SEPTIN14: variants seen among roughly 807,000 people sequenced by gnomAD.
SEPTIN14 encodes septin 14, also known as septin-14.
In SEPTIN14, 40 loss-of-function variants were observed where a neutral mutation model predicts 53.6. That is an observed-to-expected ratio of 0.75 (90% confidence interval 0.58 to 0.97). SEPTIN14 has a LOEUF of 0.97. SEPTIN14 is among the 50% of genes least tolerant of loss of function. The pLI, the probability that SEPTIN14 is intolerant of heterozygous loss-of-function variation, is 0.00. For synonymous variants in SEPTIN14, 138 were observed against 166.8 expected, an observed-to-expected ratio of 0.83 and a Z score of 1.33; for missense variants, 471 against 508.2, an observed-to-expected ratio of 0.93 and a Z score of 0.70.
intron 6 of SEPTIN14, among the ~76,000 whole-genome samples, chr7:55,830,172 T>C (rs1258207250): frequency 7.1e-6 from 1 of 140,376 alleles, no homozygotes; most frequent in African/African-American, 2.8e-5. Flanking sequence ...AGCGAGACTC[T>C]GTCTCAAAAA....
chr7:55,858,018 A>G (rs1789675485), intron 2 of SEPTIN14, among the ~76,000 whole-genome samples: 1 of 152,240 alleles, frequency 6.6e-6, no homozygotes, highest in African/African-American at 2.4e-5. Context: ...AAGTTACAGA[A>G]CTGGGACATG....
chr7:55,814,861 CTG>C (rs1192766322), intron 7 of SEPTIN14, among the ~76,000 whole-genome samples: 1 of 152,114 alleles, frequency 6.6e-6, no homozygotes, highest in Non-Finnish European at 1.5e-5. Context: ...AAAAATAACA[CTG>C]GAGGAATCGC....
intron 9 of SEPTIN14, among the ~76,000 whole-genome samples, chr7:55,803,890 C>T (rs984504960): frequency 1.9e-4 from 29 of 150,328 alleles, no homozygotes; most frequent in Admixed American, 6.0e-4. Context: ...TTTGGGAGGC[C>T]GAGGCAGGCG....
intron 5 of SEPTIN14, among the ~76,000 whole-genome samples, chr7:55,840,724 A>G (rs940346926): frequency 6.6e-6 from 1 of 152,126 alleles, no homozygotes; most frequent in Admixed American, 6.6e-5. Flanking sequence ...CACTGATGCA[A>G]ATGCCTCAAA....
At chr7:55,830,349 A>ATATATTTTTTTTT (rs71015108) in intron 6 of SEPTIN14, among the ~76,000 whole-genome samples, 15 of 56,844 alleles carry the variant, frequency 2.6e-4, no homozygotes, top group African/African-American at 9.1e-4. Context: ...ATATATATAT[A>ATATATTTTTTTTT]TTTTTTTTTT....
intron 7 of SEPTIN14, among the ~76,000 whole-genome samples, chr7:55,808,958 G>A (rs764415010): frequency 2.0e-5 from 3 of 152,120 alleles, no homozygotes; most frequent in African/African-American, 4.8e-5. Context: ...AAAGACACAG[G>A]CACGTGTATG....
At position 55,807,236 on chromosome 7, in the gene SEPTIN14, G is replaced by A. The variant is rs776516594; in HGVS notation, c.840C>T (p.Asp280=). The part of the protein sequence containing the change: ...VLQVENENHC[D]FVKLRDMLLC... The stretch of plus-strand genomic sequence containing the variant: ...GAAGCATATCTCGGAGCTTAACGAA[G>A]TCACAGTGATTTTCATTTTCCACTA... The change falls in exon 8 of 10, where the codon GAC becomes GAT. Residue 280 remains aspartate, a synonymous_variant. Coordinates refer to ENST00000388975, the MANE Select transcript of SEPTIN14 (RefSeq NM_207366.3). 5.7e-6 allele frequency: 9 copies of A among 1,581,014 alleles called. No individual in the cohort carries two copies. The South Asian group carries it at 8.3e-5, about 15-fold the overall frequency.
At chr7:55,820,131 C>T (rs141436364) in intron 6 of SEPTIN14, among the ~76,000 whole-genome samples, 153 of 152,212 alleles carry the variant, frequency 1.0e-3, no homozygotes, top group Middle Eastern at 6.8e-3. Flanking sequence ...TCCCGAGTAG[C>T]TGGGATTACA....
Position 55,811,261 on chromosome 7 carries a change from C to T in SEPTIN14, c.818-4003G>A, listed in dbSNP as rs573468747. 7.8e-5 allele frequency: 41 copies of T among 522,540 alleles called. 2 individuals carry two copies. The highest frequency in any genetic ancestry group is 6.2e-4 in the South Asian group (41 of 66,474). The allele number at this position is 522,540 out of a possible 1,614,324, so 32.4% of individuals were successfully genotyped here. On this transcript the variant is annotated intron_variant, in intron 7 of 9. Coordinates refer to ENST00000388975, the MANE Select transcript of SEPTIN14 (RefSeq NM_207366.3). Reference sequence around the variant, plus strand: ...AGGATCTGGATGTTGTAGAGTTTATCCACCTCCTTGAAGAGGTTCTGCCTG... The same window carrying T: ...AGGATCTGGATGTTGTAGAGTTTATTCACCTCCTTGAAGAGGTTCTGCCTG...
intron 7 of SEPTIN14, chr7:55,811,496 CTTTTTTTTTT>C (rs1170803437): frequency 8.3e-5 from 15 of 181,114 alleles, no homozygotes; most frequent in South Asian, 1.6e-4. Context: ...TTTTACAGTT[CTTTTTTTTTT>C]TTTTTTTTTT....
intron 2 of SEPTIN14, among the ~76,000 whole-genome samples, chr7:55,852,746 G>A (rs908978586): frequency 3.5e-4 from 54 of 152,120 alleles, no homozygotes; most frequent in Non-Finnish European, 7.2e-4. Context: ...ACAAAGTGAG[G>A]AGACAACCCA....
intron 6 of SEPTIN14, among the ~76,000 whole-genome samples, chr7:55,820,802 T>C (rs545397476): frequency 3.0e-4 from 45 of 152,134 alleles, no homozygotes; most frequent in African/African-American, 1.1e-3. Context: ...TAGCGGGGCA[T>C]GGTGGCAGGC....
intron 5 of SEPTIN14, among the ~76,000 whole-genome samples, chr7:55,838,170 T>C (rs899786852): frequency 1.3e-5 from 2 of 152,206 alleles, no homozygotes; most frequent in East Asian, 1.9e-4. Flanking sequence ...GCTGAAGCCA[T>C]GGGGCTTAAG....
At chr7:55,802,337 G>A (rs2115954792) in intron 9 of SEPTIN14, among the ~76,000 whole-genome samples, 1 of 152,116 alleles carries the variant, frequency 6.6e-6, no homozygotes, top group African/African-American at 2.4e-5. Flanking sequence ...ATTCGAAGAA[G>A]ACATTATTAC....
intron 5 of SEPTIN14, among the ~76,000 whole-genome samples, chr7:55,837,246 G>C (rs1789227645): frequency 6.6e-6 from 1 of 151,798 alleles, no homozygotes; most frequent in Admixed American, 6.6e-5. Flanking sequence ...CTCCTGAGTA[G>C]CTGGAACTAC....
chr7:55,832,278 G>A (rs1449965933), intron 6 of SEPTIN14, among the ~76,000 whole-genome samples: 1 of 151,786 alleles, frequency 6.6e-6, no homozygotes, highest in Non-Finnish European at 1.5e-5. Flanking sequence ...ATGTTGGTGT[G>A]AATGCAGAGA....
At chr7:55,828,520 G>T (rs544084883) in intron 6 of SEPTIN14, among the ~76,000 whole-genome samples, 1 of 152,006 alleles carries the variant, frequency 6.6e-6, no homozygotes, top group East Asian at 1.9e-4. Context: ...TAGCCAGGAT[G>T]GTCTCGATCT....
chr7:55,853,402 T>C (rs1789552876), intron 2 of SEPTIN14, among the ~76,000 whole-genome samples: 1 of 152,230 alleles, frequency 6.6e-6, no homozygotes, highest in Non-Finnish European at 1.5e-5. Context: ...CCTAACATTA[T>C]GTTAAGTGAA....
At chr7:55,853,583 A>G (rs1034847521) in intron 2 of SEPTIN14, among the ~76,000 whole-genome samples, 1 of 152,196 alleles carries the variant, frequency 6.6e-6, no homozygotes. Context: ...ATATAGTTAG[A>G]TAGAATGAAT....
Sources: gnomAD v4.1 joint callset for allele counts (sites outside exome capture counted in the v4.1 genomes callset) on GRCh38, gnomAD v4.1.1 for gene constraint, MANE v1.5 for transcripts, NCBI Gene and HGNC (gene_info 2026-07-23, HGNC 2026-07-21) for gene names.